The following ATG10 variants were observed in gnomAD, a reference collection of about 807,000 sequenced individuals.
ATG10 encodes ubiquitin-like-conjugating enzyme ATG10.
ATG10 carries 30 observed loss-of-function variants against 32.1 expected under a neutral mutation model. That is an observed-to-expected ratio of 0.94 (90% CI 0.70 to 1.27). The LOEUF is 1.27. Ranked by LOEUF, ATG10 falls within the 50% of genes most tolerant of loss-of-function variation. The probability of loss-of-function intolerance (pLI) is 0.00; values close to 1 mark genes in which losing one functional copy is unlikely to be tolerated. For synonymous variants in ATG10, 87 were observed against 91.5 expected (o/e 0.95, Z 0.28); for missense variants, 233 against 262.3 (o/e 0.89, Z 0.77).
At chr5:82,028,849 A>G (rs1263574611) in intron 2 of ATG10, among the ~76,000 whole-genome samples, 1 of 152,236 alleles carries the variant, frequency 6.6e-6, no homozygotes, top group Non-Finnish European at 1.5e-5. Flanking sequence ...GGACCTTTCA[A>G]TAATATATTC....
At position 81,977,918 on chromosome 5, in the gene ATG10, T is replaced by A. The variant is rs1264261424; in HGVS notation, c.-13+5612T>A. Among the ~76,000 whole-genome samples, 4 of 152,218 alleles carry A rather than the reference T, an allele frequency of 2.6e-5. No individual in the cohort carries two copies. The East Asian group carries it at 7.7e-4, about 29-fold the overall frequency. On this transcript the variant is annotated intron_variant, in intron 1 of 7. Transcript: ENST00000282185. ...AAAGACTTTTGCAAGAAGAAAAATT[T>A]AAAGGGAATGTGCCTTTCATTACAA...
At chr5:82,139,322 GC>G (rs1376971594) in intron 3 of ATG10, among the ~76,000 whole-genome samples, 1 of 150,282 alleles carries the variant, frequency 6.7e-6, no homozygotes, top group East Asian at 2.0e-4. Context: ...GATGTGAGGA[GC>G]CCCTCTGCCT....
rs138035117 is a variant in ATG10, at chr5:81,995,062, G to A, written c.108+7384G>A. Among the ~76,000 whole-genome samples, 637 of 152,142 alleles carry A rather than the reference G, an allele frequency of 4.2e-3. 2 individuals are homozygous for A. The highest frequency in any genetic ancestry group is 0.015 in the African/African-American group (603 of 41,524). On this transcript the variant is annotated intron_variant, in intron 2 of 7. Coordinates refer to ENST00000282185, the MANE Select transcript of ATG10 (RefSeq NM_031482.5). ...GAGCTGAAAAACATTGTATAATCTC[G>A]AATTTCACCTTGTTTTTGAGATGCA...
At chr5:82,117,620 G>A (rs1765861193) in intron 3 of ATG10, among the ~76,000 whole-genome samples, 1 of 152,060 alleles carries the variant, frequency 6.6e-6, no homozygotes, top group Non-Finnish European at 1.5e-5. Context: ...ACCTATTTCA[G>A]CTTAAAGCAA....
At chr5:82,048,586 G>T (rs1204466974) in intron 2 of ATG10, among the ~76,000 whole-genome samples, 1 of 152,252 alleles carries the variant, frequency 6.6e-6, no homozygotes, top group East Asian at 1.9e-4. Context: ...CACAGCAAAA[G>T]AAACTACCAT....
At chr5:82,058,364 T>G in intron 2 of ATG10, 131 bp from the exon 3 acceptor site, 1 of 637,642 alleles carries the variant, frequency 1.6e-6, no homozygotes, top group South Asian at 2.1e-5. Flanking sequence ...AGTCTCTTTA[T>G]CCATATAGTC....
intron 3 of ATG10, among the ~76,000 whole-genome samples, chr5:82,120,665 T>C (rs1766007126): frequency 6.6e-6 from 1 of 152,022 alleles, no homozygotes; most frequent in Non-Finnish European, 1.5e-5. Context: ...TTCTGTTTTT[T>C]TTTTAAGCCC....
At chr5:82,198,435 G>A (rs929307009) in intron 5 of ATG10, among the ~76,000 whole-genome samples, 3 of 152,092 alleles carry the variant, frequency 2.0e-5, no homozygotes, top group Non-Finnish European at 2.9e-5. Flanking sequence ...GCTAATTTTT[G>A]TATTTTTAAT....
chr5:81,982,224 G>A (rs1392760436), intron 1 of ATG10, among the ~76,000 whole-genome samples: 2 of 152,286 alleles, frequency 1.3e-5, no homozygotes, highest in Non-Finnish European at 2.9e-5. Flanking sequence ...TTGGGAGGCC[G>A]AGGTGGGGTG....
intron 5 of ATG10, among the ~76,000 whole-genome samples, chr5:82,189,654 C>T (rs913339900): frequency 6.6e-6 from 1 of 152,098 alleles, no homozygotes; most frequent in Non-Finnish European, 1.5e-5. Flanking sequence ...GATAGGGTCT[C>T]ACTCTGTTGT....
chr5:82,238,127 G>T (rs944832308), intron 5 of ATG10, among the ~76,000 whole-genome samples: 10 of 152,128 alleles, frequency 6.6e-5, no homozygotes, highest in African/African-American at 2.4e-4. Flanking sequence ...GAGCTCCTCT[G>T]TGGCCCTCAG....
At chr5:81,992,989 C>G (rs1761504930) in intron 2 of ATG10, among the ~76,000 whole-genome samples, 1 of 152,114 alleles carries the variant, frequency 6.6e-6, no homozygotes, top group Non-Finnish European at 1.5e-5. Context: ...TCTTGTTCCC[C>G]TACCTCTAAC....
rs368990375 is a variant in ATG10, at chr5:82,150,624, G to C, written c.217-13775G>C. ...ATAGCTCCTTCCAGGAATAATTTCTGTCACCTCAGAGAAAGCGATCGTGAG... is the reference window on the plus strand; with the variant it reads ...ATAGCTCCTTCCAGGAATAATTTCTCTCACCTCAGAGAAAGCGATCGTGAG... On this transcript the variant is annotated intron_variant, in intron 3 of 7. Coordinates refer to ENST00000282185, the MANE Select transcript of ATG10 (RefSeq NM_031482.5). Among the ~76,000 whole-genome samples, 7 of 152,276 alleles carry C rather than the reference G, an allele frequency of 4.6e-5. No homozygotes were observed. The East Asian group carries it at 7.7e-4, about 17-fold the overall frequency.
chr5:82,059,662 T>TTG (rs913110834), intron 3 of ATG10, among the ~76,000 whole-genome samples: 4 of 151,240 alleles, frequency 2.6e-5, no homozygotes, highest in Non-Finnish European at 5.9e-5. Context: ...AGGTGAATTT[T>TTG]TGTGTGTGTG....
At chr5:82,214,333 G>A (rs1356783201) in intron 5 of ATG10, among the ~76,000 whole-genome samples, 2 of 152,108 alleles carry the variant, frequency 1.3e-5, no homozygotes, top group African/African-American at 4.8e-5. Flanking sequence ...TTTCTCATAG[G>A]TGAAACTACA....
intron 1 of ATG10, among the ~76,000 whole-genome samples, chr5:81,978,891 A>C (rs1760947715): frequency 6.6e-6 from 1 of 152,028 alleles, no homozygotes; most frequent in Admixed American, 6.6e-5. Flanking sequence ...AGTCCATTCA[A>C]ATTTTTGAAT....
intron 3 of ATG10, among the ~76,000 whole-genome samples, chr5:82,061,098 A>T (rs1035160440): frequency 6.6e-6 from 1 of 152,060 alleles, no homozygotes; most frequent in African/African-American, 2.4e-5. Flanking sequence ...CATCCTTGTA[A>T]GCTTCCATTA....
At chr5:81,974,707 C>T (rs1224752713) in intron 1 of ATG10, among the ~76,000 whole-genome samples, 1 of 152,160 alleles carries the variant, frequency 6.6e-6, no homozygotes, top group Non-Finnish European at 1.5e-5. Context: ...AGCCGTGACT[C>T]CTGGCTCAAG....
chr5:82,252,606 C>G lies in ATG10; in HGVS notation c.498C>G (p.Cys166Trp). ...AACCCTTTTTTGTACTTCATCCCTGCAAGACGAATGAATTCATGACTCCTG... is the reference window on the plus strand; with the variant it reads ...AACCCTTTTTTGTACTTCATCCCTGGAAGACGAATGAATTCATGACTCCTG... The part of the protein sequence containing the change: ...LGQPFFVLHP[C>W]KTNEFMTPVL... The change falls in exon 6 of 8, where the codon TGC becomes TGG. Residue 166 changes from cysteine to tryptophan, a missense_variant. Physicochemically the swap from Cys to Trp is radical, Grantham distance 215. Transcript: ENST00000282185. 1 of 1,608,162 alleles carries G rather than the reference C, an allele frequency of 6.2e-7. No homozygotes were observed. The highest frequency in any genetic ancestry group is 8.5e-7 in the Non-Finnish European group (1 of 1,177,466).
Sources: allele counts gnomAD v4.1 joint callset (sites outside exome capture counted in the v4.1 genomes callset), GRCh38; gene constraint gnomAD v4.1.1; transcripts MANE v1.5; gene names NCBI Gene and HGNC (gene_info 2026-07-23, HGNC 2026-07-21).